RAB3C: variants seen among roughly 807,000 people sequenced by gnomAD.
The protein encoded by RAB3C is RAB3C, member RAS oncogene family, also known as ras-related protein Rab-3C.
A neutral mutation model predicts 26.4 loss-of-function variants in RAB3C; 17 were observed. That is an observed-to-expected ratio of 0.64 (90% CI 0.44 to 0.97). The LOEUF is 0.97. Among genes scored for constraint, RAB3C ranks in the 50% least tolerant of loss-of-function variants. RAB3C has a pLI of 0.00. For missense variants in RAB3C, 242 were observed against 281.9 expected, an observed-to-expected ratio of 0.86 and a Z score of 1.01; for synonymous variants, 91 against 95.9, an observed-to-expected ratio of 0.95 and a Z score of 0.30.
chr5:58,745,301 G>A (rs1741374779), intron 3 of RAB3C, among the ~76,000 whole-genome samples: 1 of 149,750 alleles, frequency 6.7e-6, no homozygotes, highest in Admixed American at 6.7e-5. Flanking sequence ...GGGAGGCTGA[G>A]GCAGGAGAAT....
In RAB3C at chr5:58,851,419, A is replaced by T; in HGVS notation, c.*68A>T. The T allele has an allele frequency of 8.0e-7, 1 of 1,248,040 alleles. No individual in the cohort carries two copies. The highest frequency in any genetic ancestry group is 1.1e-6 in the Non-Finnish European group (1 of 898,904). The allele number at this position is 1,248,040 out of a possible 1,614,324, so 77.3% of individuals were successfully genotyped here. A position where few individuals can be genotyped will look rare whatever the true frequency, so the allele number is the denominator to read the frequency against. On this transcript the variant is annotated 3_prime_UTR_variant, in exon 5 of 5. Coordinates refer to ENST00000282878, the MANE Select transcript of RAB3C (RefSeq NM_138453.4). ...AACAAACAGCATTTGTAAATGGTCT[A>T]TTAGCCTTCATTTATACTGCCTAAC...
chr5:58,677,978 G>GTGTA (rs1442233763), intron 2 of RAB3C, among the ~76,000 whole-genome samples: 1 of 122,764 alleles, frequency 8.1e-6, no homozygotes, highest in African/African-American at 2.6e-5. Context: ...AGATTATTTT[G>GTGTA]TGTGTGTGTG....
chr5:58,817,662 C>T (rs1045677719), intron 3 of RAB3C, among the ~76,000 whole-genome samples: 5 of 152,076 alleles, frequency 3.3e-5, no homozygotes, highest in Admixed American at 2.0e-4. Context: ...CCTAATAATA[C>T]GCAGCCCTGA....
chr5:58,789,599 G>A (rs1223405588), intron 3 of RAB3C, among the ~76,000 whole-genome samples: 2 of 152,062 alleles, frequency 1.3e-5, no homozygotes, highest in Admixed American at 1.3e-4. Context: ...TCTCAGCCAG[G>A]GCCACACAGT....
chr5:58,589,035 G>T (rs1746072475), intron 1 of RAB3C, among the ~76,000 whole-genome samples: 1 of 151,950 alleles, frequency 6.6e-6, no homozygotes, highest in Non-Finnish European at 1.5e-5. Context: ...GAAATTAGCT[G>T]TAGGGTTTTG....
At chr5:58,665,805 GA>G (rs1375827595) in intron 2 of RAB3C, among the ~76,000 whole-genome samples, 15 of 152,104 alleles carry the variant, frequency 9.9e-5, no homozygotes, top group African/African-American at 3.6e-4. Context: ...TTAGAACAAA[GA>G]AATGAATAAA....
intron 3 of RAB3C, among the ~76,000 whole-genome samples, chr5:58,811,222 C>T (rs1743080031): frequency 6.6e-6 from 1 of 152,174 alleles, no homozygotes; most frequent in South Asian, 2.1e-4. Flanking sequence ...GGGCAAATGG[C>T]AACTGTGGAG....
chr5:58,655,460 GT>G (rs777145258), intron 2 of RAB3C, among the ~76,000 whole-genome samples: 8 of 152,330 alleles, frequency 5.3e-5, no homozygotes, highest in Non-Finnish European at 1.0e-4. Context: ...TGATTGTCGT[GT>G]AATTGTTGGG....
chr5:58,837,265 T>G (rs1337568809), intron 4 of RAB3C, among the ~76,000 whole-genome samples: 1 of 149,932 alleles, frequency 6.7e-6, no homozygotes, highest in Non-Finnish European at 1.5e-5. Context: ...CACTGCAGCC[T>G]CTGCCTCCCA....
At chr5:58,584,624 A>G (rs1240400042) in intron 1 of RAB3C, among the ~76,000 whole-genome samples, 1 of 152,188 alleles carries the variant, frequency 6.6e-6, no homozygotes, top group Non-Finnish European at 1.5e-5. Context: ...TTATAAGTAA[A>G]CACTAATTGT....
chr5:58,692,539 CTT>C, intron 2 of RAB3C, among the ~76,000 whole-genome samples: 1 of 151,956 alleles, frequency 6.6e-6, no homozygotes, highest in East Asian at 1.9e-4. Context: ...TACATATTCT[CTT>C]GAGTTTTGGC....
At chr5:58,745,249 T>C (rs1741372793) in intron 3 of RAB3C, among the ~76,000 whole-genome samples, 1 of 151,796 alleles carries the variant, frequency 6.6e-6, no homozygotes, top group Admixed American at 6.6e-5. Context: ...TACAAAAAAA[T>C]TAGCCGGGCA....
intron 2 of RAB3C, among the ~76,000 whole-genome samples, chr5:58,634,512 T>A (rs1353497390): frequency 6.6e-6 from 1 of 152,202 alleles, no homozygotes; most frequent in African/African-American, 2.4e-5. Flanking sequence ...ATAATCAGGA[T>A]AAAACATGCA....
At chr5:58,628,781 C>A (rs761538031) in intron 2 of RAB3C, among the ~76,000 whole-genome samples, 1 of 152,076 alleles carries the variant, frequency 6.6e-6, no homozygotes, top group Non-Finnish European at 1.5e-5. Context: ...GGGTGCCTTC[C>A]GCCTTGCCAG....
chr5:58,851,084 C>A (rs1744103262), intron 4 of RAB3C, 80 bp from the exon 5 acceptor site: 3 of 1,372,136 alleles, frequency 2.2e-6, no homozygotes, highest in Non-Finnish European at 1.0e-6. Context: ...CACCTCATCA[C>A]TATTGAAAGC....
At chr5:58,689,969 G>A (rs529990649) in intron 2 of RAB3C, among the ~76,000 whole-genome samples, 43 of 152,208 alleles carry the variant, frequency 2.8e-4, no homozygotes, top group African/African-American at 9.6e-4. Flanking sequence ...GAGATATCTC[G>A]AAGTTTATAT....
intron 2 of RAB3C, among the ~76,000 whole-genome samples, chr5:58,697,363 T>C (rs1748736716): frequency 6.6e-6 from 1 of 152,190 alleles, no homozygotes; most frequent in African/African-American, 2.4e-5. Flanking sequence ...AATTTTAGAA[T>C]AAGTGTGATG....
At chr5:58,633,856 C>T (rs1029864596) in intron 2 of RAB3C, among the ~76,000 whole-genome samples, 9 of 152,036 alleles carry the variant, frequency 5.9e-5, no homozygotes, top group Non-Finnish European at 1.0e-4. Flanking sequence ...GTTTGGGCCA[C>T]GTGTGGTGGC....
In RAB3C at chr5:58,701,191, T is replaced by C. The variant is rs575116471; in HGVS notation, c.253-24811T>C. Reference sequence around the variant, plus strand: ...TTTGATTTTGTATTTTCAGTAGAGATGGGGTTTCACCATGTTAGCCAGGAT... The same window carrying C: ...TTTGATTTTGTATTTTCAGTAGAGACGGGGTTTCACCATGTTAGCCAGGAT... On this transcript the variant is annotated intron_variant, in intron 2 of 4. Transcript: ENST00000282878. Among the ~76,000 whole-genome samples, 19 of 152,078 alleles carry C rather than the reference T, an allele frequency of 1.2e-4. 1 individual carries two copies. In the South Asian group the frequency reaches 3.3e-3, roughly 27 times the overall value.
Sources: gnomAD v4.1 joint callset for allele counts (sites outside exome capture counted in the v4.1 genomes callset) on GRCh38, gnomAD v4.1.1 for gene constraint, MANE v1.5 for transcripts, NCBI Gene and HGNC (gene_info 2026-07-23, HGNC 2026-07-21) for gene names.